CNTN6: variants seen among roughly 807,000 people sequenced by gnomAD.
CNTN6 encodes the protein contactin-6.
A neutral mutation model predicts 122.8 loss-of-function variants in CNTN6; 137 were observed. The ratio of observed to expected loss-of-function variants is 1.12; its 90% confidence interval spans 0.97 to 1.29. The LOEUF (loss-of-function observed/expected upper bound fraction) is 1.29. CNTN6 is among the 50% of genes most tolerant of loss of function. CNTN6 has a pLI of 0.00. For missense variants in CNTN6, 1,634 were observed against 1,223.4 expected (o/e 1.34, Z -5.01); for synonymous variants, 570 against 426.0 (o/e 1.34, Z -4.16).
At chr3:1,295,569 T>G (rs551431341) in intron 5 of CNTN6, 32 bp from the exon 6 acceptor site, 36 of 1,549,962 alleles carry the variant, frequency 2.3e-5, no homozygotes, top group Admixed American at 1.4e-4. Context: ...AGTATGGTTT[T>G]GTTTTGTTTT....
At chr3:1,317,991 C>G (rs752410875) in intron 7 of CNTN6, among the ~76,000 whole-genome samples, 1 of 151,262 alleles carries the variant, frequency 6.6e-6, no homozygotes, top group African/African-American at 2.4e-5. Flanking sequence ...CTTTTAAAGC[C>G]CAGTACTGTA....
At chr3:1,157,843 T>C (rs906255432) in intron 2 of CNTN6, among the ~76,000 whole-genome samples, 5 of 152,218 alleles carry the variant, frequency 3.3e-5, no homozygotes, top group African/African-American at 1.2e-4. Context: ...TTTTTATGAC[T>C]GAATAGTACT....
intron 12 of CNTN6, among the ~76,000 whole-genome samples, chr3:1,369,003 T>C (rs1237145497): frequency 6.6e-6 from 1 of 152,194 alleles, no homozygotes; most frequent in Non-Finnish European, 1.5e-5. Flanking sequence ...TCTTCTTCGC[T>C]TTCACTCCTC....
intron 12 of CNTN6, among the ~76,000 whole-genome samples, chr3:1,371,082 A>G (rs1708950535): frequency 6.6e-6 from 1 of 152,142 alleles, no homozygotes; most frequent in Non-Finnish European, 1.5e-5. Flanking sequence ...ATATTTATGA[A>G]TGAAGAAAAC....
At chr3:1,289,284 G>A (rs1694883200) in intron 5 of CNTN6, among the ~76,000 whole-genome samples, 1 of 152,112 alleles carries the variant, frequency 6.6e-6, no homozygotes, top group Admixed American at 6.5e-5. Flanking sequence ...CTCTTCAGAT[G>A]ACTGGGAGGA....
At chr3:1,374,331 A>T (rs1036544047) in intron 16 of CNTN6, among the ~76,000 whole-genome samples, 11 of 152,206 alleles carry the variant, frequency 7.2e-5, no homozygotes, top group South Asian at 2.1e-4. Context: ...TTTGCATCGC[A>T]TCTATTTTCT....
At chr3:1,160,344 G>GTATATATATATATATATATATATATA (rs56703431) in intron 2 of CNTN6, among the ~76,000 whole-genome samples, 1,632 of 110,458 alleles carry the variant, frequency 0.015, 35 homozygotes, top group South Asian at 0.025. Context: ...TACTTTTACT[G>GTATATATATATATATATATATATATA]TATATATATA....
chr3:1,277,233 G>T (rs574921795), intron 4 of CNTN6, among the ~76,000 whole-genome samples: 42 of 151,412 alleles, frequency 2.8e-4, no homozygotes, highest in Admixed American at 1.4e-3. Context: ...CAATCTTCTG[G>T]TCTTCCCATT....
intron 4 of CNTN6, among the ~76,000 whole-genome samples, chr3:1,262,850 T>C (rs1223207711): frequency 6.6e-6 from 1 of 152,000 alleles, no homozygotes; most frequent in Non-Finnish European, 1.5e-5. Context: ...TACCCACATA[T>C]ATAGTATAAA....
intron 12 of CNTN6, among the ~76,000 whole-genome samples, chr3:1,371,299 A>G (rs1474002967): frequency 6.6e-6 from 1 of 152,024 alleles, no homozygotes; most frequent in Non-Finnish European, 1.5e-5. Context: ...GGAGAAATAG[A>G]TTCTCCATGG....
chr3:1,374,024 G>A lies in CNTN6; in HGVS notation c.2046G>A (p.Gly682=). ...GTGTTGTTGCCGGCAACAGCATTGG[G>A]ATTGGAGAACCAAGTGAACCATCAG... ...EFRVVAGNSI[G]IGEPSEPSEL... Residue 682 remains glycine (G), a synonymous_variant, in exon 16 of 23, where the codon GGG becomes GGA. Coordinates refer to ENST00000446702, the MANE Select transcript of CNTN6 (RefSeq NM_001289080.2). 2 of 1,613,138 alleles carry A rather than the reference G, an allele frequency of 1.2e-6. No individual in the cohort carries two copies. The highest frequency in any genetic ancestry group is 3.3e-5 in the Admixed American group (2 of 59,946).
chr3:1,402,740 A>G, intron 22 of CNTN6: 1 of 354,574 alleles, frequency 2.8e-6, no homozygotes, highest in Non-Finnish European at 5.1e-6. Flanking sequence ...TCATTAGAGC[A>G]TAATTGTATC....
intron 1 of CNTN6, among the ~76,000 whole-genome samples, chr3:1,142,968 G>GTATATATATATATATATATA (rs3043051): frequency 3.9e-5 from 5 of 128,650 alleles, no homozygotes; most frequent in African/African-American, 1.5e-4. Context: ...GTGTGTGTGT[G>GTATATATATATATATATATA]TATATATATA....
Position 1,383,191 on chromosome 3 carries a change from A to T in CNTN6, c.2401+15A>T. 6.2e-7 allele frequency: 1 copy of T among 1,607,824 alleles called. No homozygotes were observed. Among genetic ancestry groups the T allele is most frequent in the Non-Finnish European group, 8.5e-7 (1 of 1,174,672 alleles). On this transcript the variant is annotated intron_variant, in intron 18 of 22. Transcript: ENST00000446702. The stretch of plus-strand genomic sequence containing the variant: ...TGGGGAAGATGGTAAGTTGTCCTCA[A>T]CTCTGGTTTTCTTTGAGACTCTATG...
chr3:1,355,441 C>T lies in CNTN6; in HGVS notation c.1492+2990C>T, dbSNP rs577265786. Among the ~76,000 whole-genome samples, 3 of 151,708 alleles carry T rather than the reference C, an allele frequency of 2.0e-5. No homozygotes were observed. The South Asian group carries it at 6.2e-4, about 31-fold the overall frequency. Reference sequence around the variant, plus strand: ...CCCTTTCATATAAAAATGTTGAAGACATCACTGCCAAGGAATTATTATTTT... The same window carrying T: ...CCCTTTCATATAAAAATGTTGAAGATATCACTGCCAAGGAATTATTATTTT... On this transcript the variant is annotated intron_variant, in intron 12 of 22. Coordinates refer to ENST00000446702, the MANE Select transcript of CNTN6 (RefSeq NM_001289080.2).
At chr3:1,252,250 A>G (rs2094683916) in intron 4 of CNTN6, among the ~76,000 whole-genome samples, 1 of 152,202 alleles carries the variant, frequency 6.6e-6, no homozygotes, top group South Asian at 2.1e-4. Context: ...AACTGTGGGA[A>G]GAACAGCCTT....
Position 1,383,162 on chromosome 3 carries a change from A to C in CNTN6, c.2387A>C (p.Tyr796Ser). ...EGSLSTVTIV[Y>S]SGEDEPQLAP... ...TCCCTGAGTACTGTGACCATTGTCT[A>C]CTCTGGGGAAGATGGTAAGTTGTCC... Residue 796 changes from tyrosine (Y) to serine (S), a missense_variant, in exon 18 of 23, where the codon TAC (tyrosine) becomes TCC (serine). Coordinates refer to ENST00000446702, the MANE Select transcript of CNTN6 (RefSeq NM_001289080.2). 1.9e-6 allele frequency: 3 copies of C among 1,612,828 alleles called. No individual in the cohort carries two copies. Among genetic ancestry groups the C allele is most frequent in the Non-Finnish European group, 2.5e-6 (3 of 1,179,026 alleles).
At chr3:1,341,164 A>C (rs1054424785) in intron 11 of CNTN6, among the ~76,000 whole-genome samples, 2 of 151,020 alleles carry the variant, frequency 1.3e-5, no homozygotes, top group Non-Finnish European at 2.9e-5. Context: ...TCCTCTAGTA[A>C]CTTTGGGAGC....
intron 6 of CNTN6, among the ~76,000 whole-genome samples, chr3:1,297,123 CAA>C (rs1157246185): frequency 5.9e-5 from 9 of 152,070 alleles, no homozygotes; most frequent in Non-Finnish European, 1.2e-4. Context: ...TTATAATGAT[CAA>C]GTCTTAAAAA....
Sources: gnomAD v4.1 joint callset for allele counts (sites outside exome capture counted in the v4.1 genomes callset) on GRCh38, gnomAD v4.1.1 for gene constraint, MANE v1.5 for transcripts, NCBI Gene and HGNC (gene_info 2026-07-23, HGNC 2026-07-21) for gene names.